Variants in FGD6 observed in about 807,000 individuals in gnomAD.
FGD6 encodes FYVE, RhoGEF and PH domain containing 6, also known as FYVE, RhoGEF and PH domain-containing protein 6.
Under a neutral mutation model 149.4 loss-of-function variants are expected in FGD6, and 90 were observed. The observed-to-expected ratio is 0.60, with a 90% confidence interval of 0.51 to 0.72. The LOEUF (loss-of-function observed/expected upper bound fraction) is 0.72. FGD6 is among the 30% of genes least tolerant of loss of function. The pLI, the probability that FGD6 is intolerant of heterozygous loss-of-function variation, is 0.00. For synonymous variants in FGD6, 527 were observed against 584.0 expected (o/e 0.90, Z 1.41); for missense variants, 1,437 against 1,684.8 (o/e 0.85, Z 2.57).
rs1877658239 is a variant in FGD6 at position 95,081,090 on chromosome 12, T to C, written c.*430A>G. ...ATCAGCAGTTTTATAATAATCACAA[T>C]TCCTAAACCAAGCACTTTGTGGAAA... On this transcript the variant is annotated 3_prime_UTR_variant, in exon 21 of 21. Coordinates refer to ENST00000343958, the MANE Select transcript of FGD6 (RefSeq NM_018351.4). 6.6e-6 allele frequency: 1 copy of C among 152,460 alleles called. No homozygotes were observed. The highest frequency in any genetic ancestry group is 2.4e-5 in the African/African-American group (1 of 41,458). The allele number at this position is 152,460 out of a possible 1,614,324, so 9.4% of individuals were successfully genotyped here.
At chr12:95,145,814 C>T (rs1323097556) in intron 5 of FGD6, among the ~76,000 whole-genome samples, 1 of 152,100 alleles carries the variant, frequency 6.6e-6, no homozygotes, top group Admixed American at 6.5e-5. Context: ...GCTGAGATTA[C>T]AGGCATATGC....
chr12:95,117,428 T>C (rs928270279), intron 8 of FGD6, among the ~76,000 whole-genome samples: 12 of 146,642 alleles, frequency 8.2e-5, no homozygotes, highest in South Asian at 2.2e-4. Flanking sequence ...TGCCTTTTTT[T>C]TTTCTTTCTT....
chr12:95,181,317 T>TGCAAGTAA (rs112663322), intron 2 of FGD6, among the ~76,000 whole-genome samples: 17 of 152,278 alleles, frequency 1.1e-4, no homozygotes, highest in African/African-American at 3.8e-4. Flanking sequence ...CTTCCTGACC[T>TGCAAGTAA]GCAAGTAAAG....
chr12:95,185,266 C>CA (rs901311550), intron 2 of FGD6, among the ~76,000 whole-genome samples: 9 of 151,540 alleles, frequency 5.9e-5, no homozygotes, highest in Admixed American at 3.3e-4. Flanking sequence ...ATTGGGAAAC[C>CA]AAAAAAAATC....
intron 17 of FGD6, among the ~76,000 whole-genome samples, chr12:95,090,794 G>C (rs1032734425): frequency 2.0e-5 from 3 of 152,184 alleles, no homozygotes; most frequent in African/African-American, 7.2e-5. Context: ...ATGAAGAACA[G>C]ACTTTCAAAA....
intron 20 of FGD6, among the ~76,000 whole-genome samples, chr12:95,083,825 T>C (rs111734524): frequency 9.2e-5 from 14 of 152,354 alleles, no homozygotes; most frequent in African/African-American, 3.1e-4. Flanking sequence ...ATGTATTCTT[T>C]TGTGAAGCCA....
intron 5 of FGD6, among the ~76,000 whole-genome samples, chr12:95,147,560 A>C (rs895259585): frequency 1.3e-5 from 2 of 152,174 alleles, no homozygotes; most frequent in East Asian, 3.9e-4. Context: ...AAAGCAAGCT[A>C]ATATATCCAA....
At chr12:95,151,324 G>A (rs763535351) in intron 5 of FGD6, among the ~76,000 whole-genome samples, 1 of 152,104 alleles carries the variant, frequency 6.6e-6, no homozygotes, top group Non-Finnish European at 1.5e-5. Flanking sequence ...ATGTTGGAGT[G>A]CAGTGGTACC....
Position 95,208,862 on chromosome 12 carries a change from G to C in FGD6, c.2422C>G (p.Pro808Ala). 2 of 1,613,140 alleles carry C rather than the reference G, an allele frequency of 1.2e-6. No individual in the cohort carries two copies. The highest frequency in any genetic ancestry group is 3.3e-4 in the Middle Eastern group (2 of 5,994). ...TGTTACCTGGAATGCTGATGTCTGG[G>C]TCCAAGCTGCAGCTGGCCATCTGGA... Reference protein sequence around the residue: ...EAPDGQLQLGPRHQHSSSGAS... With the variant: ...EAPDGQLQLGARHQHSSSGAS... Residue 808 changes from proline to alanine, a missense_variant, in exon 2 of 21, where the codon CCC (proline) becomes GCC (alanine). Pro to Ala is a conservative substitution (Grantham distance 27, BLOSUM62 -1). Transcript: ENST00000343958.
chr12:95,082,474 A>C (rs1052929322), intron 20 of FGD6, among the ~76,000 whole-genome samples: 1 of 151,926 alleles, frequency 6.6e-6, no homozygotes, highest in Non-Finnish European at 1.5e-5. Flanking sequence ...CCTGGCCAAT[A>C]TGGTGAAACC....
intron 18 of FGD6, among the ~76,000 whole-genome samples, 196 bp from the exon 19 acceptor site, chr12:95,086,104 G>C (rs970227284): frequency 6.6e-6 from 1 of 152,110 alleles, no homozygotes; most frequent in South Asian, 2.1e-4. Flanking sequence ...AACCATGTTA[G>C]AGGCAATTAT....
intron 5 of FGD6, among the ~76,000 whole-genome samples, chr12:95,150,655 T>C (rs567308932): frequency 6.6e-6 from 1 of 152,108 alleles, no homozygotes; most frequent in Non-Finnish European, 1.5e-5. Flanking sequence ...GTGTCATCCA[T>C]GCTAGAGTGC....
rs1229362432 is a variant in FGD6 at position 95,211,252 on chromosome 12, G to A, written c.32C>T (p.Pro11Leu). MTSAAEIKKP[P>L]VAPKPKFVVA... ...AACAAACTTGGGCTTGGGGGCCACT[G>A]GTGGCTTCTTTATCTCTAGAAAGGA... The change falls in exon 2 of 21, where the codon CCA (proline) becomes CTA (leucine). Residue 11 changes from proline to leucine, a missense_variant. Physicochemically the swap from Pro to Leu is moderately conservative, Grantham distance 98 (BLOSUM62 -3). Coordinates refer to ENST00000343958, the MANE Select transcript of FGD6 (RefSeq NM_018351.4). The A allele has an allele frequency of 1.9e-6, 3 of 1,575,418 alleles. No homozygotes were observed. The highest frequency in any genetic ancestry group is 2.2e-5 in the East Asian group (1 of 44,608).
chr12:95,204,311 C>T (rs925131631), intron 2 of FGD6, among the ~76,000 whole-genome samples: 6 of 152,204 alleles, frequency 3.9e-5, no homozygotes, highest in Non-Finnish European at 8.8e-5. Flanking sequence ...AGTGCCACTC[C>T]TTACACCCTC....
chr12:95,164,466 A>C (rs112006394), intron 3 of FGD6, among the ~76,000 whole-genome samples: 3 of 151,320 alleles, frequency 2.0e-5, no homozygotes, highest in Non-Finnish European at 2.9e-5. Context: ...GTCTTGCTCT[A>C]TCACCCAGGC....
chr12:95,081,873 T>C lies in FGD6; in HGVS notation c.4257-317A>G, dbSNP rs150741143. On this transcript the variant is annotated intron_variant, in intron 20 of 20. Coordinates refer to ENST00000343958, the MANE Select transcript of FGD6 (RefSeq NM_018351.4). The stretch of plus-strand genomic sequence containing the variant: ...TTTTAGTAGAGACGGGGTTTTTCCA[T>C]GTTGGTCAGGCTGGTCTTGGACTCC... Among the ~76,000 whole-genome samples, 4 of 152,150 alleles carry C rather than the reference T, an allele frequency of 2.6e-5. No homozygotes were observed. In the East Asian group the frequency reaches 7.7e-4, roughly 29 times the overall value.
At chr12:95,138,351 C>T (rs1048011223) in intron 6 of FGD6, among the ~76,000 whole-genome samples, 6 of 152,064 alleles carry the variant, frequency 3.9e-5, no homozygotes, top group African/African-American at 1.4e-4. Flanking sequence ...TGAGACCAGC[C>T]TGGCCAACAT....
intron 20 of FGD6, among the ~76,000 whole-genome samples, chr12:95,083,304 T>G (rs1225383410): frequency 6.6e-6 from 1 of 151,628 alleles, no homozygotes; most frequent in Non-Finnish European, 1.5e-5. Context: ...AATTTATAAT[T>G]TAGCCTGGGT....
chr12:95,105,089 G>A lies in FGD6; in HGVS notation c.3418-3C>T. The A allele has an allele frequency of 6.2e-7, 1 of 1,606,240 alleles. No individual in the cohort carries two copies. On this transcript the variant is annotated splice_polypyrimidine_tract_variant and splice_region_variant and intron_variant, in intron 13 of 20. Transcript: ENST00000343958. ...GCTTCTTGGGTAGGTTTTCTGACCT[G>A]GAAGAAAGCACAACAATTTGAGCCG...
Sources: allele counts gnomAD v4.1 joint callset (sites outside exome capture counted in the v4.1 genomes callset), GRCh38; gene constraint gnomAD v4.1.1; transcripts MANE v1.5; gene names NCBI Gene and HGNC (gene_info 2026-07-23, HGNC 2026-07-21).